Variants in TBC1D32 observed in about 807,000 individuals in gnomAD.
TBC1D32 encodes protein broad-minded.
A neutral mutation model predicts 170.3 loss-of-function variants in TBC1D32; 151 were observed. The observed-to-expected ratio is 0.89, with a 90% CI of 0.78 to 1.01. The LOEUF (loss-of-function observed/expected upper bound fraction) is 1.01, where lower values mean the gene tolerates loss of function less well. TBC1D32 is among the 50% of genes least tolerant of loss of function. TBC1D32 has a pLI of 0.00. For synonymous variants in TBC1D32, 498 were observed against 488.0 expected (o/e 1.02, Z -0.27); for missense variants, 1,464 against 1,457.1 (o/e 1.00, Z -0.08).
chr6:121,200,729 G>A (rs1261197343), intron 22 of TBC1D32, among the ~76,000 whole-genome samples: 3 of 151,580 alleles, frequency 2.0e-5, no homozygotes, highest in Non-Finnish European at 4.4e-5. Flanking sequence ...GAGAAGACAA[G>A]ATCAGAATGG....
intron 17 of TBC1D32, among the ~76,000 whole-genome samples, chr6:121,244,438 A>G (rs1797360365): frequency 6.6e-6 from 1 of 152,066 alleles, no homozygotes; most frequent in African/African-American, 2.4e-5. Context: ...GTGGAGAAAT[A>G]CCACTAAGTG....
chr6:121,324,199 T>C (rs1417794667), intron 1 of TBC1D32, among the ~76,000 whole-genome samples: 4 of 152,164 alleles, frequency 2.6e-5, no homozygotes, highest in East Asian at 1.9e-4. Context: ...TAGTTGTAAA[T>C]TGAGTGAAAA....
At chr6:121,191,397 A>C (rs1004634061) in intron 22 of TBC1D32, among the ~76,000 whole-genome samples, 3 of 152,166 alleles carry the variant, frequency 2.0e-5, no homozygotes, top group African/African-American at 4.8e-5. Context: ...TGAAGCTTTC[A>C]ATTTTTATTT....
At chr6:121,118,049 A>G (rs1215537870) in intron 26 of TBC1D32, among the ~76,000 whole-genome samples, 1 of 152,154 alleles carries the variant, frequency 6.6e-6, no homozygotes, top group Non-Finnish European at 1.5e-5. Flanking sequence ...GATCTAGGAA[A>G]AACAGTGTGT....
intron 12 of TBC1D32, among the ~76,000 whole-genome samples, chr6:121,289,021 T>A (rs1804367309): frequency 6.6e-6 from 1 of 152,256 alleles, no homozygotes; most frequent in East Asian, 1.9e-4. Flanking sequence ...ATAAGAGCTA[T>A]CTATGACAAA....
intron 30 of TBC1D32, among the ~76,000 whole-genome samples, chr6:121,104,948 G>T (rs1369328981): frequency 1.3e-5 from 2 of 151,762 alleles, no homozygotes; most frequent in East Asian, 3.9e-4. Context: ...TACAGAAATA[G>T]TTAATTAACT....
intron 22 of TBC1D32, among the ~76,000 whole-genome samples, chr6:121,196,918 C>G (rs1790810323): frequency 6.6e-6 from 1 of 152,132 alleles, no homozygotes; most frequent in African/African-American, 2.4e-5. Context: ...CCTAGTGATC[C>G]ATTAGCAAAA....
chr6:121,331,198 TTTG>T (rs59446339), intron 1 of TBC1D32, among the ~76,000 whole-genome samples: 47 of 151,702 alleles, frequency 3.1e-4, no homozygotes, highest in South Asian at 4.2e-4. Flanking sequence ...TTTTTGGTTT[TTTG>T]TTGTTGTTGT....
At chr6:121,128,282 C>T (rs1489544139) in intron 25 of TBC1D32, among the ~76,000 whole-genome samples, 3 of 152,112 alleles carry the variant, frequency 2.0e-5, no homozygotes, top group African/African-American at 7.2e-5. Context: ...AGGCTGTACT[C>T]ATGTAACAAT....
In TBC1D32 at chr6:121,304,567, A is replaced by T; in HGVS notation, c.828T>A (p.Ala276=). The part of the protein sequence containing the change: ...SRENHIPTLS[A]GVDITNPNMT... ...TATTAGGATTAGTTATATCTACACC[A>T]GCTGAAAGAGTAGGAATATGATTTT... Residue 276 remains alanine (A), a synonymous_variant, in exon 7 of 32, where the codon GCT becomes GCA. Transcript: ENST00000398212. 6.2e-7 allele frequency: 1 copy of T among 1,612,542 alleles called. No homozygotes were observed. Among genetic ancestry groups the T allele is most frequent in the Non-Finnish European group, 8.5e-7 (1 of 1,179,072 alleles).
intron 31 of TBC1D32, among the ~76,000 whole-genome samples, chr6:121,086,729 G>A (rs751563575): frequency 1.8e-4 from 28 of 152,080 alleles, no homozygotes; most frequent in Non-Finnish European, 3.4e-4. Context: ...TTGTCCCCAG[G>A]TTGAATTCAC....
chr6:121,218,386 G>A (rs958285004), intron 21 of TBC1D32, among the ~76,000 whole-genome samples: 2 of 152,284 alleles, frequency 1.3e-5, no homozygotes, highest in Non-Finnish European at 2.9e-5. Flanking sequence ...ACCTTGAACT[G>A]TAGTTCCCAT....
At chr6:121,211,514 G>A (rs117974729) in intron 21 of TBC1D32, among the ~76,000 whole-genome samples, 4,128 of 152,066 alleles carry the variant, frequency 0.027, 80 homozygotes, top group Non-Finnish European at 0.043. Context: ...TCATTCTTAT[G>A]CCTTTGCGTC....
At chr6:121,082,883 A>C (rs1775783876) in intron 31 of TBC1D32, among the ~76,000 whole-genome samples, 1 of 152,028 alleles carries the variant, frequency 6.6e-6, no homozygotes, top group African/African-American at 2.4e-5. Context: ...CTTATTTCAT[A>C]AGAGAAAAAT....
chr6:121,140,825 T>C (rs1238482168), intron 24 of TBC1D32, among the ~76,000 whole-genome samples: 2 of 152,142 alleles, frequency 1.3e-5, no homozygotes, highest in Non-Finnish European at 2.9e-5. Flanking sequence ...ATAATATATA[T>C]GGAAGTCTAA....
rs542853673 is a variant in TBC1D32, at chr6:121,256,660, A to G, written c.1734-375T>C. Among the ~76,000 whole-genome samples, 5 of 152,008 alleles carry G rather than the reference A, an allele frequency of 3.3e-5. No homozygotes were observed. The South Asian group carries it at 1.0e-3, about 32-fold the overall frequency. ...TAACAGGACTTAGTTCCCCTATATC[A>G]AAGGCTGAGAAACTTTTTTTTTTCT... On this transcript the variant is annotated intron_variant, in intron 15 of 31. Coordinates refer to ENST00000398212, the MANE Select transcript of TBC1D32 (RefSeq NM_152730.6).
At chr6:121,122,383 G>T (rs911730571) in intron 26 of TBC1D32, among the ~76,000 whole-genome samples, 2 of 151,780 alleles carry the variant, frequency 1.3e-5, no homozygotes, top group African/African-American at 4.8e-5. Context: ...TCAAAACCCT[G>T]CAATGACTTT....
chr6:121,260,834 A>C (rs1306056832), intron 15 of TBC1D32, among the ~76,000 whole-genome samples: 2 of 148,028 alleles, frequency 1.4e-5, no homozygotes, highest in African/African-American at 5.3e-5. Context: ...TCGCTGGGGG[A>C]GAGGCAGAGC....
chr6:121,131,676 T>G lies in TBC1D32; in HGVS notation c.2850A>C (p.Arg950Ser). 6.2e-7 allele frequency: 1 copy of G among 1,611,766 alleles called. No homozygotes were observed. The highest frequency in any genetic ancestry group is 8.5e-7 in the Non-Finnish European group (1 of 1,178,788). The change falls in exon 25 of 32, where the codon AGA becomes AGC. Residue 950 changes from arginine to serine, a missense_variant. Coordinates refer to ENST00000398212, the MANE Select transcript of TBC1D32 (RefSeq NM_152730.6). ...KQTEWIENCQ[R>S]QFCKMMKAKP... The stretch of plus-strand genomic sequence containing the variant: ...TGGCTTTCATCATTTTGCAAAATTG[T>G]CTTTGGCAGTTTTCTATCCATTCAG...
Sources: allele counts gnomAD v4.1 joint callset (sites outside exome capture counted in the v4.1 genomes callset), GRCh38; gene constraint gnomAD v4.1.1; transcripts MANE v1.5; gene names NCBI Gene and HGNC (gene_info 2026-07-23, HGNC 2026-07-21).